Variants in NPTX2 observed in about 807,000 individuals in gnomAD.
NPTX2 encodes the protein neuronal pentraxin-2.
A neutral mutation model predicts 38.1 loss-of-function variants in NPTX2; 23 were observed. That is an observed-to-expected ratio of 0.60 (90% CI 0.43 to 0.85). The LOEUF is 0.85. Among genes scored for constraint, NPTX2 ranks in the 40% least tolerant of loss-of-function variants. NPTX2 has a pLI of 0.00. For missense variants in NPTX2, 553 were observed against 615.3 expected (o/e 0.90, Z 1.07); for synonymous variants, 291 against 287.3 (o/e 1.01, Z -0.13).
intron 2 of NPTX2, among the ~76,000 whole-genome samples, chr7:98,623,192 G>C (rs903678534): frequency 6.6e-6 from 1 of 152,158 alleles, no homozygotes; most frequent in African/African-American, 2.4e-5. Context: ...GACACTTGTT[G>C]AATGAGTGAA....
chr7:98,628,689 A>T lies in NPTX2; in HGVS notation c.*60A>T. 1.3e-6 allele frequency: 1 copy of T among 756,598 alleles called. No homozygotes were observed. The highest frequency in any genetic ancestry group is 2.2e-6 in the Non-Finnish European group (1 of 462,888). The allele number at this position is 756,598 out of a possible 1,614,324, so 46.9% of individuals were successfully genotyped here. A position where few individuals can be genotyped will look rare whatever the true frequency, so the allele number is the denominator to read the frequency against. ...GCTGTTGCCATGGAAGTTCAGGGCC[A>T]TAGACTGCCCCACTTAAACTCTTGT... On this transcript the variant is annotated 3_prime_UTR_variant, in exon 5 of 5. Transcript: ENST00000265634.
At chr7:98,620,105 C>T in intron 2 of NPTX2, 4 of 548,588 alleles carry the variant, frequency 7.3e-6, no homozygotes, top group East Asian at 3.1e-5. Context: ...ACCACACGGG[C>T]GTTTCAGTCC....
At chr7:98,624,282 A>C (rs1470743050) in intron 2 of NPTX2, among the ~76,000 whole-genome samples, 1 of 152,178 alleles carries the variant, frequency 6.6e-6, no homozygotes, top group Admixed American at 6.5e-5. Flanking sequence ...TTGTAGAGAC[A>C]GGGTCTTGCT....
At chr7:98,619,310 A>C (rs769415471) in intron 1 of NPTX2, among the ~76,000 whole-genome samples, 85 of 152,178 alleles carry the variant, frequency 5.6e-4, no homozygotes, top group Non-Finnish European at 8.1e-4. Flanking sequence ...AAAGAAAAAA[A>C]ATCCTGGAGC....
In NPTX2 at chr7:98,617,771, G is replaced by A; in HGVS notation, c.310G>A (p.Gly104Ser). 1 of 1,437,316 alleles carries A rather than the reference G, an allele frequency of 7.0e-7. No individual in the cohort carries two copies. Among genetic ancestry groups the A allele is most frequent in the South Asian group, 1.4e-5 (1 of 69,170 alleles). The allele number at this position is 1,437,316 out of a possible 1,614,324, so 89.0% of individuals were successfully genotyped here. Residue 104 changes from glycine (G) to serine (S), a missense_variant, in exon 1 of 5, where the codon GGC (glycine) becomes AGC (serine). Transcript: ENST00000265634. The stretch of plus-strand genomic sequence containing the variant: ...GGGGCTGGCGGGCGGCAAGGCGCGC[G>A]GCGCGGGGGCCACGGGCAAGGACAC... ...CEGLAGGKAR[G>S]AGATGKDTMG...
chr7:98,618,569 T>TCCCCCCCCCCCCCCCCCCCCCC (rs145792464), intron 1 of NPTX2, among the ~76,000 whole-genome samples: 1 of 30,094 alleles, frequency 3.3e-5, no homozygotes, highest in African/African-American at 1.6e-4. Flanking sequence ...TCTCTCTCTC[T>TCCCCCCCCCCCCCCCCCCCCCC]CCCCCCCTCC....
intron 2 of NPTX2, among the ~76,000 whole-genome samples, chr7:98,624,225 G>A (rs1415265568): frequency 6.6e-6 from 1 of 152,152 alleles, no homozygotes; most frequent in Non-Finnish European, 1.5e-5. Flanking sequence ...CCAAAGCACT[G>A]GGATTACAGG....
chr7:98,623,529 C>A (rs1020701134), intron 2 of NPTX2, among the ~76,000 whole-genome samples: 1 of 152,166 alleles, frequency 6.6e-6, no homozygotes, highest in Non-Finnish European at 1.5e-5. Flanking sequence ...GAGACACCTG[C>A]GGTTGCCCTG....
Position 98,619,710 on chromosome 7 carries a change from G to C in NPTX2, c.494G>C (p.Arg165Pro), listed in dbSNP as rs1468590641. 1 of 1,613,278 alleles carries C rather than the reference G, an allele frequency of 6.2e-7. No individual in the cohort carries two copies. ...PGDFREVLQQ[R>P]LGELERQLLR... ...GACTTCCGCGAGGTGCTCCAGCAGC[G>C]GCTGGGGGAGCTGGAGAGGCAGCTT... Residue 165 changes from arginine (R) to proline (P), a missense_variant, in exon 2 of 5, where the codon CGG (arginine) becomes CCG (proline). By Grantham distance (103) the Arg-to-Pro change is moderately radical (BLOSUM62 -2). Transcript: ENST00000265634.
intron 4 of NPTX2, 81 bp downstream of exon 4, chr7:98,627,425 T>G (rs770596392): frequency 3.2e-6 from 4 of 1,234,798 alleles, no homozygotes; most frequent in Middle Eastern, 4.8e-4. Flanking sequence ...TCAGGGATGG[T>G]GCGAGGAGGG....
Position 98,617,437 on chromosome 7 carries a change from A to T in NPTX2, c.-25A>T. ...CGACGGCGCCCGCTCGCCCATGCCGAGCTGAGCGCGGCAGCGGCGGCGGGA... is the reference window on the plus strand; with the variant it reads ...CGACGGCGCCCGCTCGCCCATGCCGTGCTGAGCGCGGCAGCGGCGGCGGGA... On this transcript the variant is annotated 5_prime_UTR_variant, in exon 1 of 5. Coordinates refer to ENST00000265634, the MANE Select transcript of NPTX2 (RefSeq NM_002523.3). The T allele has an allele frequency of 1.1e-6, 1 of 870,714 alleles. No individual in the cohort carries two copies. The allele number at this position is 870,714 out of a possible 1,614,324, so 53.9% of individuals were successfully genotyped here.
At chr7:98,626,146 CAAA>C (rs561364197) in intron 3 of NPTX2, among the ~76,000 whole-genome samples, 38 of 71,408 alleles carry the variant, frequency 5.3e-4, no homozygotes, top group African/African-American at 1.0e-3. Context: ...TACCCTGTCT[CAAA>C]AAAAAAAAAA....
intron 2 of NPTX2, among the ~76,000 whole-genome samples, chr7:98,621,530 C>T (rs1227870776): frequency 6.6e-6 from 1 of 152,174 alleles, no homozygotes; most frequent in East Asian, 1.9e-4. Flanking sequence ...TCTGAGTGTC[C>T]TGTTTGTGAC....
Position 98,619,096 on chromosome 7 carries a change from A to T in NPTX2, c.427-547A>T, listed in dbSNP as rs902352082. On this transcript the variant is annotated intron_variant, in intron 1 of 4. Transcript: ENST00000265634. ...AACCACATGATGGTAGGGGAGAAAG[A>T]GAAATAGGAAGTGAGGATTTAGAAA... is the stretch of plus-strand genomic sequence containing the variant. Among the ~76,000 whole-genome samples, 7 of 152,316 alleles carry T rather than the reference A, an allele frequency of 4.6e-5. No individual in the cohort carries two copies. The East Asian group carries it at 1.4e-3, about 29-fold the overall frequency.
At chr7:98,626,490 C>A (rs928395863) in intron 3 of NPTX2, among the ~76,000 whole-genome samples, 3 of 152,184 alleles carry the variant, frequency 2.0e-5, no homozygotes, top group East Asian at 3.9e-4. Context: ...CTAAATAACA[C>A]CCTATGACAC....
intron 2 of NPTX2, among the ~76,000 whole-genome samples, chr7:98,623,413 AT>A (rs896243900): frequency 4.6e-5 from 7 of 152,144 alleles, no homozygotes; most frequent in African/African-American, 1.7e-4. Flanking sequence ...GTTTTCAAGG[AT>A]TTTAGAAGTG....
intron 1 of NPTX2, 23 bp downstream of exon 1, chr7:98,617,910 G>T: frequency 6.5e-7 from 1 of 1,540,450 alleles, no homozygotes; most frequent in East Asian, 2.4e-5. Flanking sequence ...GGGGAGCGCG[G>T]GGGACCTGGA....
rs1791188015 is a variant in NPTX2, at chr7:98,617,534, A to G, written c.73A>G (p.Ser25Gly). 7.0e-7 allele frequency: 1 copy of G among 1,419,910 alleles called. No individual in the cohort carries two copies. The highest frequency in any genetic ancestry group is 9.2e-7 in the Non-Finnish European group (1 of 1,089,912). 88.0% of individuals were successfully genotyped at this position (1,419,910 alleles called of 1,614,324 possible). A position where few individuals can be genotyped will look rare whatever the true frequency, so the allele number is the denominator to read the frequency against. Reference protein sequence around the residue: ...AGAQDSPAPGSRFVCTALPPE... With the variant: ...AGAQDSPAPGGRFVCTALPPE... Reference sequence around the variant, plus strand: ...GGCCCAGGACAGCCCGGCGCCCGGTAGCCGCTTCGTGTGCACGGCACTGCC... The same window carrying G: ...GGCCCAGGACAGCCCGGCGCCCGGTGGCCGCTTCGTGTGCACGGCACTGCC... The change falls in exon 1 of 5, where the codon AGC becomes GGC. Residue 25 changes from serine to glycine, a missense_variant. Ser to Gly is a moderately conservative substitution (Grantham distance 56). Transcript: ENST00000265634.
At chr7:98,624,250 C>G (rs1791310101) in intron 2 of NPTX2, among the ~76,000 whole-genome samples, 1 of 152,206 alleles carries the variant, frequency 6.6e-6, no homozygotes, top group Non-Finnish European at 1.5e-5. Context: ...AGCCACTGCA[C>G]TTGGCTAATT....
Sources: gnomAD v4.1 joint callset for allele counts (sites outside exome capture counted in the v4.1 genomes callset) on GRCh38, gnomAD v4.1.1 for gene constraint, MANE v1.5 for transcripts, NCBI Gene and HGNC (gene_info 2026-07-23, HGNC 2026-07-21) for gene names.